The following PCDHGB4 variants were observed in gnomAD, a reference collection of about 807,000 sequenced individuals.
PCDHGB4 encodes protocadherin gamma subfamily B, 4.
Under a neutral mutation model 60.5 loss-of-function variants are expected in PCDHGB4, and 38 were observed. The observed-to-expected ratio is 0.63, with a 90% confidence interval of 0.48 to 0.82. The LOEUF (loss-of-function observed/expected upper bound fraction) is 0.82, where lower values mean the gene tolerates loss of function less well. Ranked by LOEUF, PCDHGB4 falls within the 40% of genes least tolerant of loss-of-function variation. The pLI is 0.00. For missense variants in PCDHGB4, 1,109 were observed against 1,209.6 expected (o/e 0.92, Z 1.23); for synonymous variants, 456 against 509.7 (o/e 0.89, Z 1.42).
At chr5:141,405,316 T>C (rs752153213) in intron 1 of PCDHGB4, 5 of 1,614,232 alleles carry the variant, frequency 3.1e-6, no homozygotes, top group Non-Finnish European at 4.2e-6. Context: ...GTGAGAAAAA[T>C]GAGCCTTTGT....
At chr5:141,496,698 C>T (rs2099770595) in intron 2 of PCDHGB4, among the ~76,000 whole-genome samples, 1 of 152,196 alleles carries the variant, frequency 6.6e-6, no homozygotes, top group Non-Finnish European at 1.5e-5. Context: ...CCAACCTTCT[C>T]ATAAGTTATC....
At chr5:141,418,536 C>G (rs1196331424) in intron 1 of PCDHGB4, 6 of 1,614,026 alleles carry the variant, frequency 3.7e-6, no homozygotes, top group South Asian at 1.1e-5. Flanking sequence ...AGCGGTACTG[C>G]TCAGATAAGA....
At chr5:141,497,142 C>T (rs1316569011) in intron 2 of PCDHGB4, among the ~76,000 whole-genome samples, 2 of 149,678 alleles carry the variant, frequency 1.3e-5, no homozygotes, top group South Asian at 2.1e-4. Context: ...GCTGAGATCA[C>T]GAAAAAAAAA....
In PCDHGB4 at chr5:141,511,173, A is replaced by T. The variant is rs1384881403; in HGVS notation, c.2772A>T (p.Ter924TyrextTer31). ...AGTCGGGCAAGAAGGAGAAGAAGTA[A>T]CATGGAGGCCAGGCCAAGAGCCACA... ...KKKSGKKEKK[*>Y] Residue 924 changes from the stop codon to tyrosine, a stop_lost, in exon 4 of 4, where the codon TAA (stop) becomes TAT (tyrosine). Coordinates refer to ENST00000519479, the MANE Select transcript of PCDHGB4 (RefSeq NM_003736.4). 6.2e-7 allele frequency: 1 copy of T among 1,614,132 alleles called. No homozygotes were observed.
At chr5:141,474,652 T>C (rs962582027) in intron 1 of PCDHGB4, among the ~76,000 whole-genome samples, 1 of 152,206 alleles carries the variant, frequency 6.6e-6, no homozygotes, top group African/African-American at 2.4e-5. Context: ...TCCTTACTTC[T>C]TTTCTACCTA....
At chr5:141,414,458 C>T (rs2095749873) in intron 1 of PCDHGB4, 9 of 1,613,698 alleles carry the variant, frequency 5.6e-6, no homozygotes, top group Non-Finnish European at 6.8e-6. Flanking sequence ...ACAGTGACAG[C>T]CACAGATGGG....
chr5:141,492,106 C>T (rs1265796740), intron 1 of PCDHGB4, among the ~76,000 whole-genome samples: 2 of 152,238 alleles, frequency 1.3e-5, no homozygotes, highest in South Asian at 2.1e-4. Flanking sequence ...TGTAGATTTC[C>T]TCTTCGATTT....
chr5:141,494,778 CA>C (rs1228639033), intron 1 of PCDHGB4, 28 bp from the exon 2 acceptor site: 1 of 1,614,086 alleles, frequency 6.2e-7, no homozygotes, highest in Admixed American at 1.7e-5. Flanking sequence ...CACGGGTACT[CA>C]GCCCCTTTCC....
In PCDHGB4 at chr5:141,491,424, G is replaced by A. The variant is rs745755214; in HGVS notation, c.2398-3383G>A. The A allele has an allele frequency of 6.2e-7, 1 of 1,614,092 alleles. No individual in the cohort carries two copies. Among genetic ancestry groups the A allele is most frequent in the Non-Finnish European group, 8.5e-7 (1 of 1,180,028 alleles). ...ACGCAGACGGGGACGGGGGTGGAGG[G>A]CAGTGCTGCAGGCGCCAGGACTCAC... On this transcript the variant is annotated intron_variant, in intron 1 of 3. Coordinates refer to ENST00000519479, the MANE Select transcript of PCDHGB4 (RefSeq NM_003736.4). The surrounding 1 kb of genome is among the most constrained non-coding windows in gnomAD (Gnocchi z 6.9).
intron 1 of PCDHGB4, among the ~76,000 whole-genome samples, chr5:141,448,869 T>C (rs1375609555): frequency 6.6e-6 from 1 of 151,930 alleles, no homozygotes; most frequent in Non-Finnish European, 1.5e-5. Flanking sequence ...GGCGTGAACC[T>C]GGGAGGCGGA....
In PCDHGB4 at chr5:141,389,320, T is replaced by TG. The variant is rs764190187; in HGVS notation, c.1440dup (p.Pro481AlafsTer13). ...CAAGTCAGGGCTTCTGATCCGGACT[T>TG]GGGGCCCAACGGCCAAGTCTCTTAC... On this transcript the variant is annotated frameshift_variant, in exon 1 of 4. Transcript: ENST00000519479. LOFTEE classifies it high-confidence loss of function. 4 of 1,613,964 alleles carry TG rather than the reference T, an allele frequency of 2.5e-6. No individual in the cohort carries two copies. Among genetic ancestry groups the TG allele is most frequent in the Non-Finnish European group, 3.4e-6 (4 of 1,179,888 alleles).
intron 2 of PCDHGB4, among the ~76,000 whole-genome samples, chr5:141,502,866 C>CTTTTTT (rs549047197): frequency 2.0e-4 from 26 of 128,026 alleles, no homozygotes; most frequent in African/African-American, 6.2e-4. Flanking sequence ...GACTCTCTGT[C>CTTTTTT]TTTTTTTTTT....
chr5:141,470,479 C>T (rs2099231547), intron 1 of PCDHGB4, among the ~76,000 whole-genome samples: 1 of 152,078 alleles, frequency 6.6e-6, no homozygotes, highest in African/African-American at 2.4e-5. Flanking sequence ...ATTACTAACC[C>T]TCTGGGAATA....
intron 1 of PCDHGB4, chr5:141,399,313 A>C: frequency 6.2e-7 from 1 of 1,613,952 alleles, no homozygotes; most frequent in Non-Finnish European, 8.5e-7. Flanking sequence ...TTCATCCAAA[A>C]ATTCGTATAA....
Position 141,489,690 on chromosome 5 carries a change from A to T in PCDHGB4, c.2398-5117A>T. The T allele has an allele frequency of 6.2e-7, 1 of 1,614,198 alleles. No individual in the cohort carries two copies. The highest frequency in any genetic ancestry group is 8.5e-7 in the Non-Finnish European group (1 of 1,180,024). ...TCTCAGAATCAGCAGCATCTGGGGC[A>T]CGATTCCCACTGGACAGTGCCCAGG... On this transcript the variant is annotated intron_variant, in intron 1 of 3. Coordinates refer to ENST00000519479, the MANE Select transcript of PCDHGB4 (RefSeq NM_003736.4). The surrounding 1 kb of genome is among the most constrained non-coding windows in gnomAD (Gnocchi z 4.5).
At position 141,449,665 on chromosome 5, in the gene PCDHGB4, G is replaced by T. The variant is rs144213743; in HGVS notation, c.2398-45142G>T. 9.3e-5 allele frequency among the ~76,000 whole-genome samples: 14 copies of T among 150,156 alleles called. No individual in the cohort carries two copies. In the East Asian group the frequency reaches 2.7e-3, roughly 29 times the overall value. Reference sequence around the variant, plus strand: ...TATACATATTTACATACACACCCAAGTGTGTATGTATATATGTTTGTGTGT... The same window carrying T: ...TATACATATTTACATACACACCCAATTGTGTATGTATATATGTTTGTGTGT... On this transcript the variant is annotated intron_variant, in intron 1 of 3. Coordinates refer to ENST00000519479, the MANE Select transcript of PCDHGB4 (RefSeq NM_003736.4).
chr5:141,430,017 CTTG>C (rs1203011013), intron 1 of PCDHGB4, among the ~76,000 whole-genome samples: 6 of 152,096 alleles, frequency 3.9e-5, no homozygotes, highest in African/African-American at 1.2e-4. Context: ...CACTTGGGTT[CTTG>C]TTAAGTGTGA....
chr5:141,403,627 A>G lies in PCDHGB4; in HGVS notation c.2397+13346A>G, dbSNP rs1187522360. ...GCGGCGAGCCGCGTCGCTCCAGCAC[A>G]GTGCGCATCCATGTGACAGTGTTGG... On this transcript the variant is annotated intron_variant, in intron 1 of 3. Coordinates refer to ENST00000519479, the MANE Select transcript of PCDHGB4 (RefSeq NM_003736.4). 4 of 1,613,922 alleles carry G rather than the reference A, an allele frequency of 2.5e-6. No individual in the cohort carries two copies. The East Asian group carries it at 8.9e-5, about 36-fold the overall frequency.
chr5:141,414,855 C>G, intron 1 of PCDHGB4: 1 of 1,614,238 alleles, frequency 6.2e-7, no homozygotes, highest in South Asian at 1.1e-5. Flanking sequence ...TGGACCAGAA[C>G]GACAATGCGC....
Sources: allele counts gnomAD v4.1 joint callset (sites outside exome capture counted in the v4.1 genomes callset), GRCh38; gene constraint gnomAD v4.1.1; non-coding constraint Gnocchi (gnomAD v3.1); transcripts MANE v1.5; gene names NCBI Gene and HGNC (gene_info 2026-07-23, HGNC 2026-07-21).